NRXN1: variants seen among roughly 807,000 people sequenced by gnomAD.
NRXN1 encodes neurexin 1.
In NRXN1, 39 loss-of-function variants were observed where a neutral mutation model predicts 150.9. That is an observed-to-expected ratio of 0.26 (90% confidence interval 0.20 to 0.34). The LOEUF (loss-of-function observed/expected upper bound fraction) is 0.34. Ranked by LOEUF, NRXN1 falls within the 10% of genes least tolerant of loss-of-function variation. NRXN1 has a pLI of 1.00. For missense variants in NRXN1, 1,815 were observed against 1,949.9 expected, an observed-to-expected ratio of 0.93 and a Z score of 1.30; for synonymous variants, 924 against 757.0, an observed-to-expected ratio of 1.22 and a Z score of -3.62.
chr2:50,908,120 C>T (rs1683990815), intron 5 of NRXN1, among the ~76,000 whole-genome samples: 2 of 151,990 alleles, frequency 1.3e-5, no homozygotes, highest in South Asian at 2.1e-4. Flanking sequence ...TGTTTGTATT[C>T]ACAGCATCTT....
At chr2:50,206,254 C>G (rs1384682887) in intron 18 of NRXN1, among the ~76,000 whole-genome samples, 1 of 147,436 alleles carries the variant, frequency 6.8e-6, no homozygotes, top group Non-Finnish European at 1.5e-5. Flanking sequence ...CACACACACA[C>G]ACACACACAA....
chr2:50,500,544 G>C (rs1365827864), intron 13 of NRXN1, among the ~76,000 whole-genome samples: 1 of 152,016 alleles, frequency 6.6e-6, no homozygotes. Flanking sequence ...GTAGATATTT[G>C]TTGATTAAAT....
chr2:51,003,276 T>C (rs78233029), intron 2 of NRXN1, among the ~76,000 whole-genome samples: 97 of 152,070 alleles, frequency 6.4e-4, no homozygotes, highest in Non-Finnish European at 6.8e-4. Flanking sequence ...TAATGAGAGA[T>C]TTCTAACTGA....
chr2:50,836,314 T>G (rs1256103881), intron 5 of NRXN1, among the ~76,000 whole-genome samples: 1 of 152,118 alleles, frequency 6.6e-6, no homozygotes, highest in Non-Finnish European at 1.5e-5. Flanking sequence ...TACTTACCAT[T>G]TTTTTGTGGT....
chr2:50,074,962 A>G (rs775148792), intron 19 of NRXN1, among the ~76,000 whole-genome samples: 25 of 152,330 alleles, frequency 1.6e-4, no homozygotes, highest in African/African-American at 5.5e-4. Context: ...ATACAACGGT[A>G]AAGTTCACAG....
rs754561222 is a variant in NRXN1 at position 50,538,294 on chromosome 2, T to A, written c.2102A>T (p.Asp701Val). The A allele has an allele frequency of 1.2e-6, 2 of 1,613,902 alleles. No homozygotes were observed. The highest frequency in any genetic ancestry group is 1.7e-6 in the Non-Finnish European group (2 of 1,179,812). The stretch of plus-strand genomic sequence containing the variant: ...GCCAAGATAGCCTGTTCCGGAACAA[T>A]CACAGACATATCTGTTCCACCCATC... ...CRDGWNRYVC[D>V]CSGTGYLGRS... Residue 701 changes from aspartate (D) to valine (V), a missense_variant, in exon 10 of 23, where the codon GAT (aspartate) becomes GTT (valine). Asp to Val is a radical substitution (Grantham distance 152). Around this residue, in one of 6 missense-constraint regions of NRXN1, gnomAD observed 638 missense variants for 652.6 expected, o/e 0.98. Transcript: ENST00000401669.
chr2:50,612,449 G>A (rs1251165170), intron 8 of NRXN1, among the ~76,000 whole-genome samples: 3 of 152,072 alleles, frequency 2.0e-5, no homozygotes, highest in South Asian at 2.1e-4. Flanking sequence ...ATTTCACACA[G>A]TTTCATGGAT....
At chr2:50,576,241 T>A (rs928644056) in intron 8 of NRXN1, among the ~76,000 whole-genome samples, 1 of 152,164 alleles carries the variant, frequency 6.6e-6, no homozygotes, top group Admixed American at 6.5e-5. Context: ...ATATGGCTTA[T>A]ACAATTAGTG....
chr2:50,366,852 T>A (rs560974584), intron 17 of NRXN1, among the ~76,000 whole-genome samples: 1 of 151,774 alleles, frequency 6.6e-6, no homozygotes. Context: ...CCTGCAGGAG[T>A]TATACCAGCC....
intron 15 of NRXN1, among the ~76,000 whole-genome samples, chr2:50,473,396 T>C (rs1156930708): frequency 3.3e-5 from 5 of 151,990 alleles, no homozygotes; most frequent in African/African-American, 4.8e-5. Flanking sequence ...TTGGATTCTG[T>C]TTCTTTTTCT....
At chr2:50,096,117 T>C (rs1265069684) in intron 18 of NRXN1, among the ~76,000 whole-genome samples, 1 of 152,088 alleles carries the variant, frequency 6.6e-6, no homozygotes, top group Admixed American at 6.6e-5. Context: ...AGAATGGAAC[T>C]GAAGGCTATC....
At chr2:50,432,226 G>T (rs932902114) in intron 17 of NRXN1, 1 of 152,048 alleles carries the variant, frequency 6.6e-6, no homozygotes. Flanking sequence ...CTTTTCCTTT[G>T]AATTTCCCTC....
chr2:50,809,637 A>C (rs1407502398), intron 5 of NRXN1, among the ~76,000 whole-genome samples: 4 of 152,182 alleles, frequency 2.6e-5, no homozygotes, highest in African/African-American at 9.6e-5. Context: ...GAAGAATGTT[A>C]ATTCTAACCT....
At chr2:50,551,050 G>GGAAGAGGAA (rs1335681510) in intron 9 of NRXN1, among the ~76,000 whole-genome samples, 911 of 78,828 alleles carry the variant, frequency 0.012, 7 homozygotes, top group South Asian at 0.038. Context: ...AAGAGGAAGA[G>GGAAGAGGAA]GAAGAAGAAG....
intron 15 of NRXN1, among the ~76,000 whole-genome samples, chr2:50,490,940 C>G (rs541013221): frequency 2.1e-4 from 32 of 152,138 alleles, no homozygotes; most frequent in African/African-American, 6.5e-4. Flanking sequence ...ATCTCTTTCC[C>G]TTATATAGAC....
intron 13 of NRXN1, 130 bp from the exon 14 acceptor site, chr2:50,497,844 G>T (rs2104922525): frequency 1.4e-6 from 1 of 738,914 alleles, no homozygotes; most frequent in Non-Finnish European, 2.2e-6. Context: ...TTGCATATAG[G>T]AAGAACACTT....
chr2:50,623,441 T>C lies in NRXN1; in HGVS notation c.1007A>G (p.Lys336Arg). The C allele has an allele frequency of 6.2e-7, 1 of 1,613,498 alleles. No individual in the cohort carries two copies. The highest frequency in any genetic ancestry group is 8.5e-7 in the Non-Finnish European group (1 of 1,179,558). The change falls in exon 6 of 23, where the codon AAA becomes AGA. Residue 336 changes from lysine to arginine, a missense_variant. Lys to Arg is a conservative substitution (Grantham distance 26, BLOSUM62 2). Transcript: ENST00000401669. ...KSADYVNLAL[K>R]NGAVSLVINL... ...AATGACCAGAGAGACAGCTCCATTT[T>C]TCAGGGCAAGATTGACATAATCAGC...
At chr2:50,831,792 G>A (rs1001598978) in intron 5 of NRXN1, among the ~76,000 whole-genome samples, 24 of 152,112 alleles carry the variant, frequency 1.6e-4, no homozygotes, top group African/African-American at 5.3e-4. Context: ...CATGTCATGC[G>A]AACAGTTAGT....
intron 2 of NRXN1, among the ~76,000 whole-genome samples, chr2:51,002,217 C>A (rs10174918): frequency 0.63 from 96,018 of 151,732 alleles, 30,774 homozygotes; most frequent in East Asian, 0.75. Context: ...GTTATAGGAA[C>A]TTCAACCATG....
Sources: gnomAD v4.1 joint callset for allele counts (sites outside exome capture counted in the v4.1 genomes callset) on GRCh38, gnomAD v4.1.1 for gene constraint, gnomAD v4.1.1 regional missense constraint, MANE v1.5 for transcripts, NCBI Gene and HGNC (gene_info 2026-07-23, HGNC 2026-07-21) for gene names.